Variants in CPA6 observed in about 807,000 individuals in gnomAD.
The protein encoded by CPA6 is carboxypeptidase A6, also known as carboxypeptidase B.
Under a neutral mutation model 63.3 loss-of-function variants are expected in CPA6, and 58 were observed. The observed-to-expected ratio is 0.92, with a 90% confidence interval of 0.74 to 1.14. CPA6 has a LOEUF of 1.14. Among genes scored for constraint, CPA6 ranks in the 50% most tolerant of loss-of-function variants. The probability of loss-of-function intolerance (pLI) is 0.00; values close to 1 mark genes in which losing one functional copy is unlikely to be tolerated. For missense variants in CPA6, 565 were observed against 526.6 expected (o/e 1.07, Z -0.71); for synonymous variants, 185 against 179.0 (o/e 1.03, Z -0.27).
chr8:67,596,411 G>C (rs963175890), intron 2 of CPA6, among the ~76,000 whole-genome samples: 4 of 152,072 alleles, frequency 2.6e-5, no homozygotes, highest in Non-Finnish European at 5.9e-5. Context: ...TAAGCTGCTT[G>C]TTTTAGTGAA....
At chr8:67,734,571 C>T (rs924510902) in intron 1 of CPA6, among the ~76,000 whole-genome samples, 12 of 152,130 alleles carry the variant, frequency 7.9e-5, no homozygotes, top group African/African-American at 2.9e-4. Flanking sequence ...CATATGTATC[C>T]TTTTTTCTGC....
At chr8:67,664,270 C>T (rs1273259880) in intron 1 of CPA6, among the ~76,000 whole-genome samples, 2 of 148,564 alleles carry the variant, frequency 1.3e-5, no homozygotes, top group African/African-American at 5.0e-5. Flanking sequence ...CCAGATCTAC[C>T]CCTAACATTT....
chr8:67,601,128 T>C (rs78454284), intron 2 of CPA6, among the ~76,000 whole-genome samples: 5,258 of 152,310 alleles, frequency 0.035, 172 homozygotes, highest in African/African-American at 0.092. Context: ...GTCTTGATTA[T>C]GCCTTTATAA....
intron 2 of CPA6, among the ~76,000 whole-genome samples, chr8:67,608,567 T>A (rs1402651835): frequency 6.6e-6 from 1 of 152,182 alleles, no homozygotes; most frequent in Non-Finnish European, 1.5e-5. Context: ...GACCTGATTC[T>A]TCCTGGATGC....
chr8:67,704,557 A>G (rs1817092521), intron 1 of CPA6, among the ~76,000 whole-genome samples: 1 of 152,210 alleles, frequency 6.6e-6, no homozygotes, highest in Non-Finnish European at 1.5e-5. Context: ...AGGACAGATT[A>G]CCATTAGAAC....
At chr8:67,620,943 G>A (rs1460036111) in intron 2 of CPA6, among the ~76,000 whole-genome samples, 2 of 152,188 alleles carry the variant, frequency 1.3e-5, no homozygotes, top group Admixed American at 1.3e-4. Flanking sequence ...TAATAAGAGT[G>A]ATTCAATGTG....
intron 2 of CPA6, among the ~76,000 whole-genome samples, chr8:67,543,796 T>TATTA (rs1563993379): frequency 4.6e-5 from 7 of 151,274 alleles, no homozygotes; most frequent in African/African-American, 1.7e-4. Flanking sequence ...TTATTATTAT[T>TATTA]TTTAAGAGAC....
intron 2 of CPA6, among the ~76,000 whole-genome samples, chr8:67,526,499 T>C (rs959330853): frequency 6.6e-6 from 1 of 152,206 alleles, no homozygotes; most frequent in Non-Finnish European, 1.5e-5. Context: ...AGGAACATTA[T>C]AGTCTTGCTG....
At chr8:67,629,321 T>G (rs1280140450) in intron 1 of CPA6, among the ~76,000 whole-genome samples, 1 of 150,044 alleles carries the variant, frequency 6.7e-6, no homozygotes, top group Admixed American at 6.6e-5. Flanking sequence ...AATAAATAAA[T>G]AAATAAATAA....
chr8:67,532,815 G>A (rs1323106214), intron 2 of CPA6, among the ~76,000 whole-genome samples: 1 of 151,870 alleles, frequency 6.6e-6, no homozygotes, highest in Non-Finnish European at 1.5e-5. Flanking sequence ...TTGCCAAATG[G>A]GTATCACAAA....
At chr8:67,582,919 G>A (rs1813814105) in intron 2 of CPA6, among the ~76,000 whole-genome samples, 1 of 152,066 alleles carries the variant, frequency 6.6e-6, no homozygotes, top group Admixed American at 6.6e-5. Flanking sequence ...TTTTGGTGGG[G>A]TTTTGTGGGG....
Position 67,653,058 on chromosome 8 carries a change from C to T in CPA6, c.117-28807G>A, listed in dbSNP as rs563161261. On this transcript the variant is annotated intron_variant, in intron 1 of 10. Coordinates refer to ENST00000297770, the MANE Select transcript of CPA6 (RefSeq NM_020361.5). ...CAAAGATCAGATGGTTGTAGATATG[C>T]GGCATTATTTCTGAGGGCTCTGTTG... Among the ~76,000 whole-genome samples the T allele has an allele frequency of 3.9e-3, 588 of 152,088 alleles. 1 individual carries two copies. The highest frequency in any genetic ancestry group is 6.4e-3 in the Non-Finnish European group (433 of 67,986).
intron 8 of CPA6, among the ~76,000 whole-genome samples, chr8:67,456,521 A>G (rs994848311): frequency 1.8e-4 from 28 of 152,218 alleles, no homozygotes; most frequent in African/African-American, 6.0e-4. Flanking sequence ...TCTTCAGTCT[A>G]TATCTTCAGA....
intron 2 of CPA6, among the ~76,000 whole-genome samples, chr8:67,566,508 C>T (rs1813339476): frequency 6.6e-6 from 1 of 152,170 alleles, no homozygotes; most frequent in Admixed American, 6.5e-5. Context: ...CACTCTTGGA[C>T]CACAAGTTCC....
intron 1 of CPA6, among the ~76,000 whole-genome samples, chr8:67,673,545 G>A (rs935738079): frequency 2.1e-5 from 3 of 140,792 alleles, no homozygotes; most frequent in South Asian, 2.2e-4. Context: ...CACCACTCAC[G>A]GCTAATTTTT....
chr8:67,480,619 C>A (rs1054166049), intron 8 of CPA6, among the ~76,000 whole-genome samples: 1 of 150,312 alleles, frequency 6.7e-6, no homozygotes, highest in Non-Finnish European at 1.5e-5. Context: ...ATGAATAATA[C>A]TACTATGAAC....
At chr8:67,449,881 T>C (rs1810516629) in intron 8 of CPA6, among the ~76,000 whole-genome samples, 1 of 146,400 alleles carries the variant, frequency 6.8e-6, no homozygotes. Context: ...AGTGGCGCCA[T>C]CTGAGCTCAC....
chr8:67,479,258 C>T (rs965476930), intron 8 of CPA6, among the ~76,000 whole-genome samples: 2 of 152,174 alleles, frequency 1.3e-5, no homozygotes, highest in Non-Finnish European at 1.5e-5. Flanking sequence ...TTTGTCAACA[C>T]ACCTGGACAG....
intron 2 of CPA6, among the ~76,000 whole-genome samples, chr8:67,588,122 G>A (rs1334253611): frequency 6.6e-6 from 1 of 152,204 alleles, no homozygotes; most frequent in Non-Finnish European, 1.5e-5. Context: ...TAACTGGGTA[G>A]TTGGTGTAAA....
Sources: gnomAD v4.1 joint callset for allele counts (sites outside exome capture counted in the v4.1 genomes callset) on GRCh38, gnomAD v4.1.1 for gene constraint, MANE v1.5 for transcripts, NCBI Gene and HGNC (gene_info 2026-07-23, HGNC 2026-07-21) for gene names.